Variants in SEMA3D observed in about 807,000 individuals in gnomAD.
SEMA3D encodes semaphorin-3D.
SEMA3D carries 84 observed loss-of-function variants against 100.1 expected under a neutral mutation model. That is an observed-to-expected ratio of 0.84 (90% CI 0.70 to 1.01). The LOEUF is 1.01. Ranked by LOEUF, SEMA3D falls within the 50% of genes least tolerant of loss-of-function variation. SEMA3D has a pLI of 0.00. For synonymous variants in SEMA3D, 312 were observed against 320.7 expected (o/e 0.97, Z 0.29); for missense variants, 875 against 934.1 (o/e 0.94, Z 0.82).
Position 84,999,592 on chromosome 7 carries a change from C to A in SEMA3D, c.2182G>T (p.Asp728Tyr). ...QILSSPNFSL[D>Y]QYCEQMWHRE... ...TGCCACATCTGTTCGCAGTACTGGT[C>A]GAGGCTGAAGTTTGGGCTGCTAAGG... Residue 728 changes from aspartate to tyrosine, a missense_variant, in exon 19 of 19, where the codon GAC becomes TAC. Transcript: ENST00000284136. 1 of 1,614,030 alleles carries A rather than the reference C, an allele frequency of 6.2e-7. No homozygotes were observed. The highest frequency in any genetic ancestry group is 8.5e-7 in the Non-Finnish European group (1 of 1,180,014).
At chr7:85,092,663 A>G (rs1429453718) in intron 4 of SEMA3D, among the ~76,000 whole-genome samples, 1 of 152,066 alleles carries the variant, frequency 6.6e-6, no homozygotes, top group Non-Finnish European at 1.5e-5. Flanking sequence ...GAATAATGCT[A>G]AATACTATGA....
At chr7:85,072,367 G>A (rs929649951) in intron 6 of SEMA3D, among the ~76,000 whole-genome samples, 1 of 152,024 alleles carries the variant, frequency 6.6e-6, no homozygotes, top group African/African-American at 2.4e-5. Context: ...TTTACTTAGT[G>A]TCCACTATTA....
chr7:85,082,336 G>A (rs183107005), intron 4 of SEMA3D, among the ~76,000 whole-genome samples: 3 of 152,250 alleles, frequency 2.0e-5, no homozygotes, highest in Non-Finnish European at 2.9e-5. Flanking sequence ...TATGCTTCAC[G>A]ATCTTGAGTT....
chr7:85,027,015 A>G (rs574075880), intron 12 of SEMA3D, among the ~76,000 whole-genome samples: 12 of 152,168 alleles, frequency 7.9e-5, no homozygotes, highest in African/African-American at 2.2e-4. Context: ...TGGAAACCCA[A>G]TTGTTGATAT....
chr7:85,242,567 T>C, the SEMA3D span, among the ~76,000 whole-genome samples: 1 of 152,174 alleles, frequency 6.6e-6, no homozygotes. Flanking sequence ...AGTGGTACTG[T>C]TGACTTAAAC....
chr7:85,151,595 ATGCGTG>A (rs1236652403), intron 2 of SEMA3D: 1 of 817,948 alleles, frequency 1.2e-6, no homozygotes, highest in Non-Finnish European at 1.4e-6. Flanking sequence ...GCATGTGTGT[ATGCGTG>A]TGTGTGTGTG....
intron 2 of SEMA3D, among the ~76,000 whole-genome samples, chr7:85,153,076 T>C (rs1790475140): frequency 1.3e-5 from 2 of 152,114 alleles, no homozygotes; most frequent in Admixed American, 1.3e-4. Context: ...ACTCTGCCAT[T>C]CTCATATGCC....
chr7:85,178,602 C>A (rs1791306261), intron 1 of SEMA3D, among the ~76,000 whole-genome samples: 1 of 151,566 alleles, frequency 6.6e-6, no homozygotes, highest in Non-Finnish European at 1.5e-5. Context: ...TTCTAACTGG[C>A]AAAGGGCTCA....
At position 85,037,832 on chromosome 7, in the gene SEMA3D, G is replaced by T. The variant is rs542729858; in HGVS notation, c.1047-799C>A. 2.9e-4 allele frequency among the ~76,000 whole-genome samples: 44 copies of T among 152,110 alleles called. No homozygotes were observed. In the South Asian group the frequency reaches 5.6e-3, roughly 19 times the overall value. On this transcript the variant is annotated intron_variant, in intron 11 of 18. Transcript: ENST00000284136. ...TTTGCTTTATTTCTAGAAATTAAAA[G>T]ATATTTTCTTTGAGTTGAAAACTTT...
chr7:85,198,691 TTTTC>T, the SEMA3D span, among the ~76,000 whole-genome samples: 4 of 151,848 alleles, frequency 2.6e-5, no homozygotes, highest in African/African-American at 9.6e-5. Flanking sequence ...TAGGTTTATG[TTTTC>T]TTTCTTTTAT....
chr7:85,027,530 AT>A (rs1434447475), intron 12 of SEMA3D, among the ~76,000 whole-genome samples: 1 of 151,856 alleles, frequency 6.6e-6, no homozygotes, highest in Non-Finnish European at 1.5e-5. Flanking sequence ...AGTTGAAAAT[AT>A]TTTTTTCTTA....
At chr7:85,011,107 C>T (rs948449715) in intron 17 of SEMA3D, among the ~76,000 whole-genome samples, 1 of 151,762 alleles carries the variant, frequency 6.6e-6, no homozygotes, top group Non-Finnish European at 1.5e-5. Flanking sequence ...GTAAATACTC[C>T]CACCATGTCT....
chr7:85,074,642 T>C (rs1022405180), intron 5 of SEMA3D, among the ~76,000 whole-genome samples: 2 of 151,458 alleles, frequency 1.3e-5, no homozygotes, highest in Non-Finnish European at 2.9e-5. Flanking sequence ...TATATATTTT[T>C]TTTTTTTCTT....
chr7:85,249,569 T>G, the SEMA3D span, among the ~76,000 whole-genome samples: 3 of 152,174 alleles, frequency 2.0e-5, no homozygotes, highest in African/African-American at 7.2e-5. Flanking sequence ...CCTTATCCCT[T>G]GAAAATATCA....
At chr7:85,236,162 T>C in the SEMA3D span, among the ~76,000 whole-genome samples, 1 of 152,066 alleles carries the variant, frequency 6.6e-6, no homozygotes, top group Non-Finnish European at 1.5e-5. Flanking sequence ...ATTATGACCA[T>C]TTCAAGCTGT....
chr7:85,047,287 T>C (rs943359737), intron 9 of SEMA3D, among the ~76,000 whole-genome samples: 2 of 151,894 alleles, frequency 1.3e-5, no homozygotes, highest in African/African-American at 4.8e-5. Flanking sequence ...CTTCTAATCA[T>C]AGCATCTACT....
intron 1 of SEMA3D, among the ~76,000 whole-genome samples, chr7:85,154,343 A>C (rs1790519199): frequency 6.6e-6 from 1 of 152,030 alleles, no homozygotes; most frequent in African/African-American, 2.4e-5. Context: ...TTCAATAGAA[A>C]TCTTATTTTA....
chr7:85,084,446 GACA>G (rs1337253488), intron 4 of SEMA3D, among the ~76,000 whole-genome samples: 1 of 152,006 alleles, frequency 6.6e-6, no homozygotes, highest in African/African-American at 2.4e-5. Flanking sequence ...TTTTACAAAG[GACA>G]ACTTTATATC....
intron 4 of SEMA3D, among the ~76,000 whole-genome samples, chr7:85,086,348 T>G (rs1788213496): frequency 6.6e-6 from 1 of 152,062 alleles, no homozygotes. Context: ...TTTTTAAATA[T>G]TCATTTTTAT....
Sources: allele counts gnomAD v4.1 joint callset (sites outside exome capture counted in the v4.1 genomes callset), GRCh38; gene constraint gnomAD v4.1.1; transcripts MANE v1.5; gene names NCBI Gene and HGNC (gene_info 2026-07-23, HGNC 2026-07-21).